GABRG3: variants seen among roughly 807,000 people sequenced by gnomAD.
GABRG3 encodes the protein gamma-aminobutyric acid type A receptor subunit gamma3, also known as gamma-aminobutyric acid receptor subunit gamma-3.
A neutral mutation model predicts 48.8 loss-of-function variants in GABRG3; 25 were observed. That is an observed-to-expected ratio of 0.51 (90% confidence interval 0.37 to 0.72). The LOEUF (loss-of-function observed/expected upper bound fraction) is 0.72. Among genes scored for constraint, GABRG3 ranks in the 30% least tolerant of loss-of-function variants. GABRG3 has a pLI of 0.00. For missense variants in GABRG3, 394 were observed against 577.9 expected (o/e 0.68, Z 3.26); for synonymous variants, 227 against 217.6 (o/e 1.04, Z -0.38).
rs1409350450 is a variant in GABRG3, at chr15:27,307,759, AT to A, written c.271-19049del. Reference sequence around the variant, plus strand: ...TAATCATAGGTTTATATATAAACATATAAAATAAACATATGTTTATATATAA... The same window carrying A: ...TAATCATAGGTTTATATATAAACATAAAAATAAACATATGTTTATATATAA... On this transcript the variant is annotated intron_variant, in intron 3 of 9. Transcript: ENST00000615808. Among the ~76,000 whole-genome samples the A allele has an allele frequency of 2.4e-5, 3 of 125,750 alleles. 1 individual carries two copies. The highest frequency in any genetic ancestry group is 9.9e-5 in the African/African-American group (3 of 30,392). 82.5% of individuals were successfully genotyped at this position (125,750 alleles called of 152,430 possible).
At chr15:27,202,551 G>A (rs1186134721) in intron 3 of GABRG3, among the ~76,000 whole-genome samples, 1 of 152,028 alleles carries the variant, frequency 6.6e-6, no homozygotes, top group Non-Finnish European at 1.5e-5. Flanking sequence ...GTATAAATGT[G>A]ACCATTTCCC....
intron 5 of GABRG3, among the ~76,000 whole-genome samples, chr15:27,377,326 T>C (rs1566813101): frequency 6.6e-6 from 1 of 152,188 alleles, no homozygotes; most frequent in Non-Finnish European, 1.5e-5. Flanking sequence ...GTCACCAATT[T>C]CCAAAGTCAC....
intron 2 of GABRG3, among the ~76,000 whole-genome samples, chr15:27,003,169 TTTTA>T (rs1895487260): frequency 6.7e-6 from 1 of 150,040 alleles, no homozygotes; most frequent in Non-Finnish European, 1.5e-5. Flanking sequence ...TTTTTTTATT[TTTTA>T]TTTTTTTTAA....
intron 5 of GABRG3, chr15:27,350,059 A>T (rs1416247500): frequency 6.6e-6 from 3 of 455,426 alleles, no homozygotes; most frequent in Non-Finnish European, 1.3e-5. Context: ...CCCTTTATAC[A>T]CACAAAATCT....
intron 3 of GABRG3, among the ~76,000 whole-genome samples, chr15:27,149,321 T>C (rs1043969957): frequency 6.6e-6 from 1 of 152,176 alleles, no homozygotes. Context: ...AACTAAAATA[T>C]TCTTAAAAGA....
At chr15:27,027,849 G>A (rs1312251500) in intron 3 of GABRG3, among the ~76,000 whole-genome samples, 1 of 152,170 alleles carries the variant, frequency 6.6e-6, no homozygotes, top group African/African-American at 2.4e-5. Flanking sequence ...TCAGTTGACT[G>A]CTCAGAGTAA....
chr15:27,461,695 C>G (rs1227070584), intron 5 of GABRG3, among the ~76,000 whole-genome samples: 1 of 152,124 alleles, frequency 6.6e-6, no homozygotes, highest in Non-Finnish European at 1.5e-5. Flanking sequence ...TTACAGAGAG[C>G]TGATTGGTCG....
intron 5 of GABRG3, among the ~76,000 whole-genome samples, chr15:27,338,219 C>T (rs1723827041): frequency 2.0e-5 from 3 of 152,046 alleles, no homozygotes; most frequent in South Asian, 2.1e-4. Flanking sequence ...AACACATGTC[C>T]GCATCACCTG....
At chr15:27,421,849 T>C (rs113878268) in intron 5 of GABRG3, among the ~76,000 whole-genome samples, 2 of 150,526 alleles carry the variant, frequency 1.3e-5, no homozygotes, top group African/African-American at 4.9e-5. Flanking sequence ...CAATACTGAG[T>C]GTTCTAAGAT....
chr15:27,172,750 A>G (rs1463331749), intron 3 of GABRG3, among the ~76,000 whole-genome samples: 3 of 152,088 alleles, frequency 2.0e-5, no homozygotes, highest in Non-Finnish European at 4.4e-5. Context: ...GTTAAATATG[A>G]CTGCAGACCC....
intron 2 of GABRG3, among the ~76,000 whole-genome samples, chr15:27,020,336 C>T (rs1161446808): frequency 2.0e-5 from 3 of 152,214 alleles, no homozygotes; most frequent in Admixed American, 1.3e-4. Flanking sequence ...TCGACCTCTT[C>T]CCCCTCCACC....
At chr15:27,079,240 A>C (rs1047361074) in intron 3 of GABRG3, among the ~76,000 whole-genome samples, 1 of 152,200 alleles carries the variant, frequency 6.6e-6, no homozygotes, top group African/African-American at 2.4e-5. Flanking sequence ...TCAAAGAGCC[A>C]GGAGTTGCTA....
At chr15:27,411,287 A>G (rs1887789642) in intron 5 of GABRG3, among the ~76,000 whole-genome samples, 1 of 152,114 alleles carries the variant, frequency 6.6e-6, no homozygotes, top group Non-Finnish European at 1.5e-5. Flanking sequence ...AACCCTATGA[A>G]TGAGGTTTTC....
intron 6 of GABRG3, among the ~76,000 whole-genome samples, chr15:27,493,868 C>T (rs556868376): frequency 3.3e-5 from 5 of 152,170 alleles, no homozygotes; most frequent in African/African-American, 9.6e-5. Flanking sequence ...CATGGGGAAC[C>T]GTGGGGCACC....
intron 3 of GABRG3, among the ~76,000 whole-genome samples, chr15:27,272,066 T>C (rs904126027): frequency 6.6e-6 from 1 of 152,230 alleles, no homozygotes; most frequent in Non-Finnish European, 1.5e-5. Context: ...GGGGAGCAGC[T>C]GCTGGCATGG....
At chr15:27,229,618 A>G (rs1270934671) in intron 3 of GABRG3, among the ~76,000 whole-genome samples, 2 of 152,058 alleles carry the variant, frequency 1.3e-5, no homozygotes, top group African/African-American at 2.4e-5. Flanking sequence ...ATGGGATTAC[A>G]GGGGTGCACC....
intron 5 of GABRG3, among the ~76,000 whole-genome samples, chr15:27,338,994 G>T (rs1457180811): frequency 6.6e-6 from 1 of 152,162 alleles, no homozygotes; most frequent in Non-Finnish European, 1.5e-5. Context: ...CACTAATGAG[G>T]CGGCCCACTG....
At chr15:27,334,908 G>C (rs936105534) in intron 5 of GABRG3, among the ~76,000 whole-genome samples, 2 of 152,194 alleles carry the variant, frequency 1.3e-5, no homozygotes, top group Non-Finnish European at 2.9e-5. Flanking sequence ...TGTCAAAAGT[G>C]AAAACTTTTG....
chr15:27,288,907 C>G (rs1481835076), intron 3 of GABRG3, among the ~76,000 whole-genome samples: 3 of 152,042 alleles, frequency 2.0e-5, no homozygotes, highest in African/African-American at 7.2e-5. Flanking sequence ...TCTGAAAGGC[C>G]TTTGTTTTAC....
Sources: allele counts gnomAD v4.1 joint callset (sites outside exome capture counted in the v4.1 genomes callset), GRCh38; gene constraint gnomAD v4.1.1; transcripts MANE v1.5; gene names NCBI Gene and HGNC (gene_info 2026-07-23, HGNC 2026-07-21).